The following NBEA variants were observed in gnomAD, a reference collection of about 807,000 sequenced individuals.
NBEA encodes the protein lysosomal-trafficking regulator 2.
A neutral mutation model predicts 343.4 loss-of-function variants in NBEA; 44 were observed. The ratio of observed to expected loss-of-function variants is 0.13; its 90% CI spans 0.10 to 0.16. The LOEUF (loss-of-function observed/expected upper bound fraction) is 0.16. NBEA is among the 10% of genes least tolerant of loss of function. The pLI, the probability that NBEA is intolerant of heterozygous loss-of-function variation, is 1.00. For synonymous variants in NBEA, 1,175 were observed against 1,238.7 expected (o/e 0.95, Z 1.08); for missense variants, 2,555 against 3,631.3 (o/e 0.70, Z 7.62).
intron 22 of NBEA, among the ~76,000 whole-genome samples, chr13:35,161,167 C>T (rs978104959): frequency 4.6e-5 from 7 of 151,920 alleles, no homozygotes; most frequent in African/African-American, 1.7e-4. Flanking sequence ...AAACATCGTG[C>T]GTTGTTTATT....
At chr13:35,590,818 A>T (rs1670771772) in intron 46 of NBEA, among the ~76,000 whole-genome samples, 1 of 152,118 alleles carries the variant, frequency 6.6e-6, no homozygotes, top group African/African-American at 2.4e-5. Context: ...GGTCAAACCT[A>T]CTAGTAGTTA....
chr13:35,157,786 G>A (rs1034969441), intron 21 of NBEA, among the ~76,000 whole-genome samples: 5 of 151,984 alleles, frequency 3.3e-5, no homozygotes, highest in African/African-American at 1.2e-4. Flanking sequence ...GAATTAAACT[G>A]TACAAGTATA....
chr13:35,048,835 A>T (rs957433679), intron 5 of NBEA, among the ~76,000 whole-genome samples, 151 bp downstream of exon 5: 6 of 151,868 alleles, frequency 4.0e-5, no homozygotes, highest in Admixed American at 6.6e-5. Context: ...AGTTTTATTT[A>T]TGTATGTATA....
chr13:35,089,531 A>G (rs1353316230), intron 10 of NBEA, among the ~76,000 whole-genome samples: 1 of 98,604 alleles, frequency 1.0e-5, no homozygotes, highest in Admixed American at 1.1e-4. Context: ...AACTAGAAAT[A>G]CCATTTGACC....
chr13:34,992,696 G>A (rs139527684), intron 1 of NBEA, among the ~76,000 whole-genome samples: 2,168 of 148,090 alleles, frequency 0.015, 19 homozygotes, highest in Middle Eastern at 0.033. Context: ...TTTTTGAGAC[G>A]GAGTCTTGCT....
intron 10 of NBEA, among the ~76,000 whole-genome samples, chr13:35,091,370 C>T (rs1429642665): frequency 6.6e-6 from 1 of 151,840 alleles, no homozygotes; most frequent in African/African-American, 2.4e-5. Context: ...AGAAAGTAAC[C>T]CTGTAAAATT....
intron 1 of NBEA, among the ~76,000 whole-genome samples, chr13:34,977,022 C>T (rs1480643401): frequency 1.3e-5 from 2 of 149,332 alleles, no homozygotes; most frequent in African/African-American, 2.5e-5. Context: ...CTCACCGTAA[C>T]GTCTGCCTCC....
At chr13:35,561,150 AT>A (rs1456217964) in intron 44 of NBEA, among the ~76,000 whole-genome samples, 1 of 152,194 alleles carries the variant, frequency 6.6e-6, no homozygotes, top group Non-Finnish European at 1.5e-5. Flanking sequence ...GATGACTCTT[AT>A]GATAGGGCAT....
At chr13:35,612,292 C>G (rs1012349704) in intron 48 of NBEA, among the ~76,000 whole-genome samples, 2 of 151,962 alleles carry the variant, frequency 1.3e-5, no homozygotes, top group African/African-American at 4.8e-5. Flanking sequence ...GCCACCACGC[C>G]CGGCTAATTT....
At chr13:35,256,228 T>C (rs980136260) in intron 34 of NBEA, among the ~76,000 whole-genome samples, 4 of 151,416 alleles carry the variant, frequency 2.6e-5, no homozygotes, top group Non-Finnish European at 5.9e-5. Context: ...AGGAGACCCA[T>C]AGTAGAAAGC....
At chr13:35,201,501 G>A (rs913595191) in intron 31 of NBEA, among the ~76,000 whole-genome samples, 2 of 151,838 alleles carry the variant, frequency 1.3e-5, no homozygotes, top group Non-Finnish European at 2.9e-5. Context: ...TCTCTTTTAA[G>A]TTTCAACGTT....
intron 6 of NBEA, among the ~76,000 whole-genome samples, chr13:35,055,517 C>T (rs1166110766): frequency 1.3e-5 from 2 of 152,078 alleles, no homozygotes; most frequent in African/African-American, 4.8e-5. Flanking sequence ...TCCTTCCTGA[C>T]CATGCAATCC....
intron 10 of NBEA, among the ~76,000 whole-genome samples, chr13:35,075,855 G>T (rs1479123172): frequency 6.6e-6 from 1 of 151,864 alleles, no homozygotes; most frequent in Non-Finnish European, 1.5e-5. Flanking sequence ...GCGTCTAACT[G>T]CCTTAGCCAG....
At chr13:35,024,496 A>T (rs1459625769) in intron 1 of NBEA, among the ~76,000 whole-genome samples, 1 of 151,702 alleles carries the variant, frequency 6.6e-6, no homozygotes, top group Non-Finnish European at 1.5e-5. Flanking sequence ...ACCTGGCGAA[A>T]CTTTGTCTCC....
rs542635117 is a variant in NBEA at position 35,337,759 on chromosome 13, A to G, written c.5904-11349A>G. On this transcript the variant is annotated intron_variant, in intron 36 of 58. Coordinates refer to ENST00000379939, the MANE Select transcript of NBEA (RefSeq NM_001385012.1). Reference sequence around the variant, plus strand: ...TTCTCAGTAAGTTTAAAAAGGTTGAAAGCATGCATTTTATCTTCTCCAACC... The same window carrying G: ...TTCTCAGTAAGTTTAAAAAGGTTGAGAGCATGCATTTTATCTTCTCCAACC... Among the ~76,000 whole-genome samples, 15 of 152,232 alleles carry G rather than the reference A, an allele frequency of 9.9e-5. No individual in the cohort carries two copies. The South Asian group carries it at 1.4e-3, about 15-fold the overall frequency.
chr13:35,013,953 T>A (rs981084071), intron 1 of NBEA, among the ~76,000 whole-genome samples: 1 of 152,182 alleles, frequency 6.6e-6, no homozygotes, highest in Admixed American at 6.5e-5. Context: ...TTCTTTTTAT[T>A]TACTCAGTTT....
At chr13:35,026,275 T>C (rs1468284771) in intron 1 of NBEA, among the ~76,000 whole-genome samples, 2 of 152,130 alleles carry the variant, frequency 1.3e-5, no homozygotes, top group Non-Finnish European at 2.9e-5. Context: ...CAATTAAACC[T>C]CTTTTCTTTA....
At chr13:35,261,566 A>G (rs1362776094) in intron 34 of NBEA, among the ~76,000 whole-genome samples, 1 of 152,088 alleles carries the variant, frequency 6.6e-6, no homozygotes, top group African/African-American at 2.4e-5. Flanking sequence ...GGACAATGTA[A>G]AAAAGAAAGA....
intron 1 of NBEA, among the ~76,000 whole-genome samples, chr13:34,955,797 T>C (rs1275977979): frequency 6.6e-6 from 1 of 152,210 alleles, no homozygotes; most frequent in Non-Finnish European, 1.5e-5. Context: ...CCTTTTGTTC[T>C]GTTTAGGCCT....
Sources: gnomAD v4.1 joint callset for allele counts (sites outside exome capture counted in the v4.1 genomes callset) on GRCh38, gnomAD v4.1.1 for gene constraint, MANE v1.5 for transcripts, NCBI Gene and HGNC (gene_info 2026-07-23, HGNC 2026-07-21) for gene names.